The following ZNF365 variants were observed in gnomAD, a reference collection of about 807,000 sequenced individuals.
ZNF365 encodes the protein protein ZNF365.
Under a neutral mutation model 35.0 loss-of-function variants are expected in ZNF365, and 22 were observed. The observed-to-expected ratio is 0.63, with a 90% confidence interval of 0.45 to 0.90. The LOEUF is 0.90. Among genes scored for constraint, ZNF365 ranks in the 40% least tolerant of loss-of-function variants. The pLI, the probability that ZNF365 is intolerant of heterozygous loss-of-function variation, is 0.00. For missense variants in ZNF365, 448 were observed against 500.3 expected (o/e 0.90, Z 1.00); for synonymous variants, 188 against 196.2 (o/e 0.96, Z 0.35).
At chr10:62,478,522 C>T (rs778267140) in intron 4 of ZNF365, among the ~76,000 whole-genome samples, 1 of 152,198 alleles carries the variant, frequency 6.6e-6, no homozygotes, top group Non-Finnish European at 1.5e-5. Context: ...CTTTCTCCTC[C>T]TGCTTCAGCT....
At chr10:62,457,666 T>G (rs1424823644) in intron 3 of ZNF365, among the ~76,000 whole-genome samples, 1 of 152,246 alleles carries the variant, frequency 6.6e-6, no homozygotes, top group Non-Finnish European at 1.5e-5. Flanking sequence ...AACAGTTCTC[T>G]TTCATGCCCC....
At chr10:62,477,272 GAC>G (rs1224247531) in intron 4 of ZNF365, among the ~76,000 whole-genome samples, 1 of 152,140 alleles carries the variant, frequency 6.6e-6, no homozygotes, top group Admixed American at 6.5e-5. Flanking sequence ...AATGAAAAGA[GAC>G]TGACATCTTA....
At chr10:62,465,096 C>A (rs756059105) in intron 4 of ZNF365, among the ~76,000 whole-genome samples, 1 of 152,236 alleles carries the variant, frequency 6.6e-6, no homozygotes, top group African/African-American at 2.4e-5. Context: ...AAGCCCCCTA[C>A]CCCTGCAGGC....
chr10:62,454,434 G>C (rs1840730550), intron 3 of ZNF365, among the ~76,000 whole-genome samples: 1 of 152,112 alleles, frequency 6.6e-6, no homozygotes, highest in Non-Finnish European at 1.5e-5. Context: ...TTGGACACTG[G>C]GAACTACATA....
intron 3 of ZNF365, among the ~76,000 whole-genome samples, chr10:62,419,690 A>G (rs558859546): frequency 1.3e-5 from 2 of 152,272 alleles, no homozygotes; most frequent in East Asian, 1.9e-4. Context: ...TTGAAAGATG[A>G]ATACATGGCT....
intron 3 of ZNF365, among the ~76,000 whole-genome samples, chr10:62,439,848 CA>C (rs1174391123): frequency 6.6e-6 from 1 of 152,182 alleles, no homozygotes; most frequent in East Asian, 1.9e-4. Context: ...CTAACTGACA[CA>C]ATCTAAATAT....
intron 3 of ZNF365, among the ~76,000 whole-genome samples, chr10:62,410,120 G>A (rs1839963523): frequency 6.6e-6 from 1 of 152,084 alleles, no homozygotes; most frequent in African/African-American, 2.4e-5. Flanking sequence ...TGGTTTACTT[G>A]TTTATTGTCT....
intron 4 of ZNF365, chr10:62,459,804 C>T: frequency 1.2e-6 from 2 of 1,606,864 alleles, no homozygotes; most frequent in Non-Finnish European, 1.7e-6. Flanking sequence ...GGAGGTAAAG[C>T]CACCACCTGG....
chr10:62,439,349 A>G (rs923598959), intron 3 of ZNF365, among the ~76,000 whole-genome samples: 12 of 151,834 alleles, frequency 7.9e-5, no homozygotes, highest in African/African-American at 2.9e-4. Context: ...TGATTAAATA[A>G]TCTTTACTTA....
At position 62,458,788 on chromosome 10, in the gene ZNF365, G is replaced by C. The variant is rs1249151958; in HGVS notation, c.925-953G>C. On this transcript the variant is annotated intron_variant, in intron 3 of 4. Transcript: ENST00000395255. ...GATACGATCTGTTACACAGAAATCTGTTTAAGTTGTACTTAAAAACAAGAA... is the reference window on the plus strand; with the variant it reads ...GATACGATCTGTTACACAGAAATCTCTTTAAGTTGTACTTAAAAACAAGAA... Among the ~76,000 whole-genome samples the C allele has an allele frequency of 3.6e-4, 55 of 152,128 alleles. 1 individual carries two copies. The highest frequency in any genetic ancestry group is 3.6e-3 in the Admixed American group (55 of 15,282).
intron 3 of ZNF365, among the ~76,000 whole-genome samples, chr10:62,438,774 C>A (rs747845667): frequency 1.3e-5 from 2 of 152,154 alleles, no homozygotes; most frequent in Non-Finnish European, 2.9e-5. Context: ...CTCAGCATTT[C>A]GGTGCCTTTG....
rs1289614760 is a variant in ZNF365, at chr10:62,442,874, G to T, written c.925-16867G>T. On this transcript the variant is annotated intron_variant, in intron 3 of 4. Transcript: ENST00000395255. ...TCTGATCATCCCCAGGAATGAGGAC[G>T]GACTTGCCCTGATAACTTCCTTACC... Among the ~76,000 whole-genome samples, 3 of 152,162 alleles carry T rather than the reference G, an allele frequency of 2.0e-5. No homozygotes were observed. In the East Asian group the frequency reaches 5.8e-4, roughly 29 times the overall value.
At chr10:62,475,294 G>T (rs1006207476) in intron 4 of ZNF365, among the ~76,000 whole-genome samples, 18 of 152,204 alleles carry the variant, frequency 1.2e-4, no homozygotes, top group African/African-American at 4.3e-4. Flanking sequence ...GCAGTGGCAT[G>T]TACCTATAGT....
intron 4 of ZNF365, chr10:62,459,941 C>T: frequency 1.4e-6 from 1 of 698,710 alleles, no homozygotes; most frequent in Non-Finnish European, 2.4e-6. Flanking sequence ...CTCCTTCTCC[C>T]AAGTCATCAT....
At chr10:62,375,936 TACTC>T in intron 1 of ZNF365, 2 of 459,074 alleles carry the variant, frequency 4.4e-6, no homozygotes, top group East Asian at 3.8e-5. Context: ...CTGTCTCAGT[TACTC>T]ACCACTGCCA....
At chr10:62,383,189 G>A (rs1839469854) in intron 2 of ZNF365, among the ~76,000 whole-genome samples, 1 of 152,178 alleles carries the variant, frequency 6.6e-6, no homozygotes, top group Non-Finnish European at 1.5e-5. Flanking sequence ...TGTATTGTGT[G>A]CTGGGCTCAG....
At chr10:62,425,108 G>A (rs1483301521) in intron 3 of ZNF365, among the ~76,000 whole-genome samples, 1 of 152,076 alleles carries the variant, frequency 6.6e-6, no homozygotes, top group South Asian at 2.1e-4. Context: ...TGACTTTGTT[G>A]ATTACACCAA....
chr10:62,389,682 G>A (rs1256683032), intron 3 of ZNF365, among the ~76,000 whole-genome samples: 1 of 152,146 alleles, frequency 6.6e-6, no homozygotes, highest in Non-Finnish European at 1.5e-5. Context: ...AGAGAGGAAG[G>A]GAGGAAGGAC....
chr10:62,439,979 C>T (rs1296888111), intron 3 of ZNF365, among the ~76,000 whole-genome samples: 1 of 152,100 alleles, frequency 6.6e-6, no homozygotes, highest in South Asian at 2.1e-4. Context: ...TTTCCTTTGT[C>T]CTGTCCGCAC....
Sources: allele counts gnomAD v4.1 joint callset (sites outside exome capture counted in the v4.1 genomes callset), GRCh38; gene constraint gnomAD v4.1.1; transcripts MANE v1.5; gene names NCBI Gene and HGNC (gene_info 2026-07-23, HGNC 2026-07-21).